Variants in GCC2 observed in about 807,000 individuals in gnomAD.
GCC2 encodes the protein GRIP and coiled-coil domain containing 2.
A neutral mutation model predicts 210.6 loss-of-function variants in GCC2; 120 were observed. The observed-to-expected ratio is 0.57, with a 90% CI of 0.49 to 0.66. The LOEUF is 0.66. Ranked by LOEUF, GCC2 falls within the 30% of genes least tolerant of loss-of-function variation. GCC2 has a pLI of 0.00. For missense variants in GCC2, 1,868 were observed against 1,871.9 expected (o/e 1.00, Z 0.04); for synonymous variants, 703 against 652.7 (o/e 1.08, Z -1.17).
intron 9 of GCC2, among the ~76,000 whole-genome samples, chr2:108,480,716 C>T (rs1681808004): frequency 6.6e-6 from 1 of 151,818 alleles, no homozygotes; most frequent in South Asian, 2.1e-4. Context: ...CACATGGACA[C>T]ATACAGAGGA....
At chr2:108,457,288 G>A (rs1016735587) in intron 4 of GCC2, among the ~76,000 whole-genome samples, 7 of 152,080 alleles carry the variant, frequency 4.6e-5, no homozygotes, top group African/African-American at 1.7e-4. Context: ...GTCGAAGATC[G>A]GTTGTGTATA....
At position 108,499,337 on chromosome 2, in the gene GCC2, G is replaced by A. The variant is rs561368041; in HGVS notation, c.4783-216G>A. On this transcript the variant is annotated intron_variant, in intron 21 of 22. Transcript: ENST00000309863. ...GAAACTATCTCATAGTTGGAGTTCC[G>A]GTTTTCATGTCAAATGGATTTTATA... is the stretch of plus-strand genomic sequence containing the variant. Among the ~76,000 whole-genome samples, 78 of 151,604 alleles carry A rather than the reference G, an allele frequency of 5.1e-4. No homozygotes were observed. The South Asian group carries it at 0.015, about 29-fold the overall frequency.
chr2:108,455,825 C>T (rs906727109), intron 4 of GCC2, among the ~76,000 whole-genome samples: 3 of 152,112 alleles, frequency 2.0e-5, no homozygotes, highest in Non-Finnish European at 4.4e-5. Context: ...CTTTGATGGG[C>T]ACTTAAGTTG....
chr2:108,449,693 A>G lies in GCC2; in HGVS notation c.63+4A>G. The G allele has an allele frequency of 1.2e-6, 2 of 1,611,172 alleles. No homozygotes were observed. The highest frequency in any genetic ancestry group is 1.7e-6 in the Non-Finnish European group (2 of 1,177,410). Reference sequence around the variant, plus strand: ...CCCTGGGACCGGGAAATCTAAGGTGAAGAGAATACTTGAATAGCGGGCTTC... The same window carrying G: ...CCCTGGGACCGGGAAATCTAAGGTGGAGAGAATACTTGAATAGCGGGCTTC... On this transcript the variant is annotated splice_donor_region_variant and intron_variant, in intron 2 of 22. Coordinates refer to ENST00000309863, the MANE Select transcript of GCC2 (RefSeq NM_181453.4).
chr2:108,508,858 C>G lies in GCC2; in HGVS notation c.*1228C>G, dbSNP rs1683343255. The G allele has an allele frequency of 6.6e-6, 1 of 152,622 alleles. No individual in the cohort carries two copies. Among genetic ancestry groups the G allele is most frequent in the Non-Finnish European group, 1.5e-5 (1 of 68,040 alleles). 9.5% of individuals were successfully genotyped at this position (152,622 alleles called of 1,614,324 possible). On this transcript the variant is annotated 3_prime_UTR_variant, in exon 23 of 23. Transcript: ENST00000309863. ...ATTTATGTGTTAATCACACAGTATG[C>G]TCTCTGAAGTTCTCTTAAGCCTTCA...
chr2:108,455,675 T>C (rs1359544477), intron 4 of GCC2, among the ~76,000 whole-genome samples: 3 of 152,222 alleles, frequency 2.0e-5, no homozygotes, highest in Non-Finnish European at 2.9e-5. Context: ...TTGAAAAATA[T>C]TTATCTTTCC....
chr2:108,470,470 G>A lies in GCC2; in HGVS notation c.1141G>A (p.Glu381Lys), dbSNP rs1681136941. ...AAAGGATGAGTTTTTTCATGAACGGGAAGACTTAGAGTTTAAAATTAATGA... is the reference window on the plus strand; with the variant it reads ...AAAGGATGAGTTTTTTCATGAACGGAAAGACTTAGAGTTTAAAATTAATGA... Reference protein sequence around the residue: ...HIKDEFFHEREDLEFKINELL... With the variant: ...HIKDEFFHERKDLEFKINELL... Residue 381 changes from glutamate to lysine, a missense_variant, in exon 6 of 23, where the codon GAA becomes AAA. Coordinates refer to ENST00000309863, the MANE Select transcript of GCC2 (RefSeq NM_181453.4). 6.2e-7 allele frequency: 1 copy of A among 1,608,596 alleles called. No individual in the cohort carries two copies. Among genetic ancestry groups the A allele is most frequent in the South Asian group, 1.1e-5 (1 of 90,692 alleles).
chr2:108,472,606 ACTT>A (rs1341718837), intron 6 of GCC2, among the ~76,000 whole-genome samples: 1 of 148,014 alleles, frequency 6.8e-6, no homozygotes, highest in African/African-American at 2.5e-5. Context: ...CTTGGTTACT[ACTT>A]TTTTTTTTTT....
chr2:108,482,975 C>A (rs1329022664), intron 11 of GCC2, 87 bp from the exon 12 acceptor site: 1 of 724,758 alleles, frequency 1.4e-6, no homozygotes, highest in Non-Finnish European at 2.4e-6. Context: ...ACACCACGCC[C>A]GGCCGTCAGA....
At chr2:108,452,929 C>G (rs561143821) in intron 4 of GCC2, among the ~76,000 whole-genome samples, 8 of 152,132 alleles carry the variant, frequency 5.3e-5, no homozygotes, top group Admixed American at 3.3e-4. Flanking sequence ...CTTGACCTCA[C>G]GATCCGCCCG....
In GCC2 at chr2:108,468,992, C is replaced by T. The variant is rs750749487; in HGVS notation, c.229C>T (p.Arg77Cys). The T allele has an allele frequency of 5.0e-6, 8 of 1,609,040 alleles. No individual in the cohort carries two copies. Among genetic ancestry groups the T allele is most frequent in the Non-Finnish European group, 6.8e-6 (8 of 1,175,750 alleles). ...TGTTCTAAAATAGGCATTAACTGAACGTCTGGATGCTCTTCTTCTGGAAAA... is the reference window on the plus strand; with the variant it reads ...TGTTCTAAAATAGGCATTAACTGAATGTCTGGATGCTCTTCTTCTGGAAAA... ...TGDIIKALTE[R>C]LDALLLEKAE... The change falls in exon 5 of 23, where the codon CGT (arginine) becomes TGT (cysteine). Residue 77 changes from arginine (R) to cysteine (C), a missense_variant. Physicochemically the swap from Arg to Cys is radical, Grantham distance 180 (BLOSUM62 -3). Transcript: ENST00000309863.
At chr2:108,505,758 A>G (rs868393222) in intron 22 of GCC2, among the ~76,000 whole-genome samples, 1 of 152,144 alleles carries the variant, frequency 6.6e-6, no homozygotes, top group Non-Finnish European at 1.5e-5. Context: ...TCCTTGAAAT[A>G]GAACCATTTC....
chr2:108,501,312 TTATATA>T (rs1026344813), intron 22 of GCC2, among the ~76,000 whole-genome samples: 7 of 152,048 alleles, frequency 4.6e-5, no homozygotes, highest in Non-Finnish European at 1.0e-4. Flanking sequence ...TCTATAACAA[TTATATA>T]TATAAATATA....
At chr2:108,462,788 C>T (rs568820183) in intron 4 of GCC2, 1 of 151,890 alleles carries the variant, frequency 6.6e-6, no homozygotes, top group African/African-American at 2.4e-5. Context: ...GTCTTGAACT[C>T]ATGACCTCAG....
chr2:108,498,902 T>C (rs905802291), intron 21 of GCC2, among the ~76,000 whole-genome samples: 8 of 151,456 alleles, frequency 5.3e-5, no homozygotes, highest in Admixed American at 1.3e-4. Context: ...CATGCCATAC[T>C]GGCTTAGTTT....
At chr2:108,453,194 C>A (rs1363108060) in intron 4 of GCC2, among the ~76,000 whole-genome samples, 1 of 152,190 alleles carries the variant, frequency 6.6e-6, no homozygotes, top group Non-Finnish European at 1.5e-5. Flanking sequence ...CAAACTCAAC[C>A]AAATTGCTTC....
At chr2:108,492,469 A>G in intron 18 of GCC2, 104 bp from the exon 19 acceptor site, 1 of 710,564 alleles carries the variant, frequency 1.4e-6, no homozygotes, top group South Asian at 1.6e-5. Flanking sequence ...TCATACATTC[A>G]GTAGAGGTCT....
At position 108,452,275 on chromosome 2, in the gene GCC2, A is replaced by C. The variant is rs28452998; in HGVS notation, c.149-124A>C. ...GATGAGTGCAGAGATTAATCATACTATTCTGCTTAAATATATTCTAATTTG... is the reference window on the plus strand; with the variant it reads ...GATGAGTGCAGAGATTAATCATACTCTTCTGCTTAAATATATTCTAATTTG... On this transcript the variant is annotated intron_variant, in intron 3 of 22. Transcript: ENST00000309863. The C allele has an allele frequency of 4.6e-3, 3,169 of 689,770 alleles. 38 individuals carry two copies. The highest frequency in any genetic ancestry group is 0.028 in the African/African-American group (1,543 of 55,306). 42.7% of individuals were successfully genotyped at this position (689,770 alleles called of 1,614,324 possible). A position where few individuals can be genotyped will look rare whatever the true frequency, so the allele number is the denominator to read the frequency against.
At chr2:108,450,286 C>G (rs1327534356) in intron 2 of GCC2, among the ~76,000 whole-genome samples, 1 of 152,150 alleles carries the variant, frequency 6.6e-6, no homozygotes, top group Non-Finnish European at 1.5e-5. Flanking sequence ...TGGTAAAGCT[C>G]AATTTTTTAA....
Sources: gnomAD v4.1 joint callset for allele counts (sites outside exome capture counted in the v4.1 genomes callset) on GRCh38, gnomAD v4.1.1 for gene constraint, MANE v1.5 for transcripts, NCBI Gene and HGNC (gene_info 2026-07-23, HGNC 2026-07-21) for gene names.